The following CSMD3 variants were observed in gnomAD, a reference collection of about 807,000 sequenced individuals.
CSMD3 encodes CUB and sushi domain-containing protein 3.
A neutral mutation model predicts 435.2 loss-of-function variants in CSMD3; 177 were observed. The ratio of observed to expected loss-of-function variants is 0.41; its 90% CI spans 0.36 to 0.46. The LOEUF (loss-of-function observed/expected upper bound fraction) is 0.46. Among genes scored for constraint, CSMD3 ranks in the 20% least tolerant of loss-of-function variants. The pLI is 0.34. For synonymous variants in CSMD3, 1,656 were observed against 1,520.5 expected (o/e 1.09, Z -2.07); for missense variants, 4,265 against 4,504.6 (o/e 0.95, Z 1.52).
At chr8:112,760,982 C>A (rs1216521859) in intron 13 of CSMD3, among the ~76,000 whole-genome samples, 1 of 152,102 alleles carries the variant, frequency 6.6e-6, no homozygotes, top group Non-Finnish European at 1.5e-5. Context: ...ATCGTGCCCT[C>A]CGAACATGGT....
chr8:112,591,188 T>C (rs1159665376), intron 22 of CSMD3, among the ~76,000 whole-genome samples: 2 of 152,120 alleles, frequency 1.3e-5, no homozygotes, highest in Non-Finnish European at 2.9e-5. Context: ...TCATATAAAA[T>C]ATTTTTTTAT....
At chr8:112,241,895 T>A in intron 65 of CSMD3, 110 bp from the exon 66 acceptor site, 4 of 793,550 alleles carry the variant, frequency 5.0e-6, no homozygotes. Flanking sequence ...GTCCATTTTA[T>A]TCTCTGACAT....
At chr8:112,694,706 C>A (rs2076214082) in intron 13 of CSMD3, among the ~76,000 whole-genome samples, 1 of 152,042 alleles carries the variant, frequency 6.6e-6, no homozygotes, top group Non-Finnish European at 1.5e-5. Context: ...TGTCTCTCCA[C>A]CTAAATCTCA....
intron 64 of CSMD3, 62 bp from the exon 65 acceptor site, chr8:112,244,635 A>AG: frequency 7.7e-7 from 1 of 1,294,040 alleles, no homozygotes; most frequent in Non-Finnish European, 1.1e-6. Flanking sequence ...AATTTGAGAC[A>AG]GGAGTCACAA....
At chr8:112,573,279 C>G (rs1829681208) in intron 24 of CSMD3, among the ~76,000 whole-genome samples, 1 of 151,998 alleles carries the variant, frequency 6.6e-6, no homozygotes, top group Admixed American at 6.6e-5. Context: ...AATTACTTAA[C>G]CTCTGTAAAA....
intron 45 of CSMD3, among the ~76,000 whole-genome samples, chr8:112,331,778 T>A (rs1824085205): frequency 6.6e-6 from 1 of 151,922 alleles, no homozygotes; most frequent in African/African-American, 2.4e-5. Context: ...CTGGGTGGGG[T>A]AGTAAACCAT....
chr8:112,472,318 C>A (rs909892631), intron 32 of CSMD3, among the ~76,000 whole-genome samples: 1 of 152,124 alleles, frequency 6.6e-6, no homozygotes, highest in Non-Finnish European at 1.5e-5. Context: ...TATGAAGGCA[C>A]TTGCAAGGTT....
At chr8:113,386,589 A>T (rs1450018191) in intron 1 of CSMD3, among the ~76,000 whole-genome samples, 1 of 151,814 alleles carries the variant, frequency 6.6e-6, no homozygotes, top group Non-Finnish European at 1.5e-5. Context: ...TTAAAAAATC[A>T]TATTTCACAA....
chr8:113,275,882 G>A (rs1227238577), intron 3 of CSMD3, among the ~76,000 whole-genome samples: 1 of 151,904 alleles, frequency 6.6e-6, no homozygotes, highest in Admixed American at 6.6e-5. Flanking sequence ...CATAATACTT[G>A]AGAAGATGTC....
chr8:112,288,614 G>T (rs948597998), intron 57 of CSMD3, among the ~76,000 whole-genome samples: 1 of 151,538 alleles, frequency 6.6e-6, no homozygotes, highest in African/African-American at 2.4e-5. Flanking sequence ...TAAAGAAAAA[G>T]CAGAAAAATA....
chr8:112,690,764 T>C (rs2076117938), intron 13 of CSMD3, among the ~76,000 whole-genome samples: 1 of 152,110 alleles, frequency 6.6e-6, no homozygotes, highest in Admixed American at 6.6e-5. Context: ...TTCAAATATC[T>C]GGGATCATCA....
intron 1 of CSMD3, among the ~76,000 whole-genome samples, chr8:113,321,102 T>C (rs1169920255): frequency 6.6e-6 from 1 of 152,104 alleles, no homozygotes; most frequent in Admixed American, 6.6e-5. Context: ...AACCAGTCTA[T>C]CCTGCTAGGC....
intron 7 of CSMD3, among the ~76,000 whole-genome samples, chr8:112,965,617 C>T (rs1335125824): frequency 6.6e-6 from 1 of 151,902 alleles, no homozygotes; most frequent in African/African-American, 2.4e-5. Context: ...AAAATGGTTA[C>T]TTGCAGATTT....
At position 112,556,966 on chromosome 8, in the gene CSMD3, A is replaced by G. The variant is rs984669049; in HGVS notation, c.4043-12T>C. On this transcript the variant is annotated splice_polypyrimidine_tract_variant and intron_variant, in intron 24 of 70. Coordinates refer to ENST00000297405, the MANE Select transcript of CSMD3 (RefSeq NM_198123.2). ...TGAGAGTTCAAAACCTGGGACAAAA[A>G]TATAAATTGATTAAAGGCAAAATTT... 3 of 1,589,378 alleles carry G rather than the reference A, an allele frequency of 1.9e-6. No homozygotes were observed. Among genetic ancestry groups the G allele is most frequent in the African/African-American group, 2.7e-5 (2 of 74,310 alleles).
chr8:113,190,421 C>T (rs780063349), intron 3 of CSMD3, among the ~76,000 whole-genome samples: 2 of 151,740 alleles, frequency 1.3e-5, no homozygotes, highest in Non-Finnish European at 2.9e-5. Flanking sequence ...ACTGCAAATG[C>T]AATGACCTTG....
chr8:112,843,620 C>T (rs1211343002), intron 11 of CSMD3, among the ~76,000 whole-genome samples: 3 of 151,776 alleles, frequency 2.0e-5, no homozygotes, highest in Non-Finnish European at 4.4e-5. Flanking sequence ...GCAAATATGA[C>T]ATCAGAAGGA....
intron 22 of CSMD3, among the ~76,000 whole-genome samples, chr8:112,617,729 T>A (rs1421222370): frequency 2.0e-5 from 3 of 152,166 alleles, no homozygotes; most frequent in Admixed American, 2.0e-4. Flanking sequence ...ATGATTATGA[T>A]TTTTACTATC....
chr8:113,265,134 G>T (rs940034690), intron 3 of CSMD3, among the ~76,000 whole-genome samples: 1 of 151,518 alleles, frequency 6.6e-6, no homozygotes, highest in South Asian at 2.1e-4. Flanking sequence ...TAATATGCAT[G>T]CTAGAATTGT....
At chr8:112,417,497 C>T (rs1812038139) in intron 32 of CSMD3, among the ~76,000 whole-genome samples, 1 of 152,140 alleles carries the variant, frequency 6.6e-6, no homozygotes, top group South Asian at 2.1e-4. Context: ...AGAAAACTTA[C>T]TGATAGGCAA....
Sources: allele counts gnomAD v4.1 joint callset (sites outside exome capture counted in the v4.1 genomes callset), GRCh38; gene constraint gnomAD v4.1.1; transcripts MANE v1.5; gene names NCBI Gene and HGNC (gene_info 2026-07-23, HGNC 2026-07-21).